ZNF486: variants seen among roughly 807,000 people sequenced by gnomAD.
The protein encoded by ZNF486 is zinc finger protein 486, also known as KRAB box only protein 2.
A neutral mutation model predicts 12.8 loss-of-function variants in ZNF486; 12 were observed. The ratio of observed to expected loss-of-function variants is 0.94; its 90% CI spans 0.60 to 1.52. The LOEUF (loss-of-function observed/expected upper bound fraction) is 1.52, where lower values mean the gene tolerates loss of function less well. Ranked by LOEUF, ZNF486 falls within the 40% of genes most tolerant of loss-of-function variation. The probability of loss-of-function intolerance (pLI) is 0.00; values close to 1 mark genes in which losing one functional copy is unlikely to be tolerated. For missense variants in ZNF486, 738 were observed against 545.0 expected (o/e 1.35, Z -3.53); for synonymous variants, 231 against 184.9 (o/e 1.25, Z -2.02).
chr19:20,195,233 A>G (rs2089946865), intron 3 of ZNF486, among the ~76,000 whole-genome samples: 3 of 152,266 alleles, frequency 2.0e-5, no homozygotes, highest in South Asian at 2.1e-4. Context: ...CAGTGGTACA[A>G]TCTCCACTCA....
rs57907168 is a variant in ZNF486, at chr19:20,186,784, G to GTTTTTTTT, written c.253+712_253+719dup. On this transcript the variant is annotated intron_variant, in intron 3 of 3. Transcript: ENST00000335117. ...TGGATCTTCTCTAATATTTTCATAG[G>GTTTTTTTT]TTTTTTTTTTTTTTTTTGAGAAGGA... Among the ~76,000 whole-genome samples the GTTTTTTTT allele has an allele frequency of 5.4e-4, 66 of 122,458 alleles. 4 individuals are homozygous for GTTTTTTTT. The highest frequency in any genetic ancestry group is 1.7e-3 in the African/African-American group (51 of 30,682). The allele number at this position is 122,458 out of a possible 152,430, so 80.3% of individuals were successfully genotyped here. A position where few individuals can be genotyped will look rare whatever the true frequency, so the allele number is the denominator to read the frequency against.
At chr19:20,183,366 T>C (rs889127033) in intron 1 of ZNF486, among the ~76,000 whole-genome samples, 3 of 152,180 alleles carry the variant, frequency 2.0e-5, no homozygotes, top group Non-Finnish European at 4.4e-5. Flanking sequence ...GGAATGGCAT[T>C]TATTATCCAG....
chr19:20,184,566 C>A lies in ZNF486; in HGVS notation c.157+84C>A. 4 of 1,438,164 alleles carry A rather than the reference C, an allele frequency of 2.8e-6. No individual in the cohort carries two copies. In the South Asian group the frequency reaches 4.3e-5, roughly 16 times the overall value. The allele number at this position is 1,438,164 out of a possible 1,614,324, so 89.1% of individuals were successfully genotyped here. On this transcript the variant is annotated intron_variant, in intron 2 of 3. Coordinates refer to ENST00000335117, the MANE Select transcript of ZNF486 (RefSeq NM_052852.4). ...TTGCAGAATGATTTTAGTAATTTAT[C>A]CTTTGCATAAAAGAGTTCCAGATGT...
At chr19:20,182,150 T>G (rs2089794381) in intron 1 of ZNF486, among the ~76,000 whole-genome samples, 1 of 152,234 alleles carries the variant, frequency 6.6e-6, no homozygotes, top group South Asian at 2.1e-4. Context: ...GTGCTAAATG[T>G]AAGGGACCCT....
intron 3 of ZNF486, among the ~76,000 whole-genome samples, chr19:20,187,260 GTATT>G (rs1469217407): frequency 6.6e-6 from 1 of 151,956 alleles, no homozygotes; most frequent in Non-Finnish European, 1.5e-5. Context: ...TTTACTGAGT[GTATT>G]TATCACTTCA....
intron 2 of ZNF486, among the ~76,000 whole-genome samples, chr19:20,185,104 C>T (rs1442809503): frequency 6.6e-6 from 1 of 152,018 alleles, no homozygotes; most frequent in Non-Finnish European, 1.5e-5. Context: ...AGAGCAAATA[C>T]CACTCTAATT....
intron 3 of ZNF486, chr19:20,188,326 T>G (rs2048643710): frequency 2.5e-6 from 1 of 397,360 alleles, no homozygotes; most frequent in African/African-American, 2.1e-5. Context: ...TTTTTTCAGT[T>G]TTTCTTTAAA....
intron 1 of ZNF486, among the ~76,000 whole-genome samples, chr19:20,181,341 C>T (rs1248302550): frequency 5.9e-5 from 9 of 152,056 alleles, no homozygotes; most frequent in South Asian, 4.1e-4. Flanking sequence ...AAATCGAGAC[C>T]ATCCTGGCTA....
intron 1 of ZNF486, among the ~76,000 whole-genome samples, chr19:20,183,940 T>C (rs1489316475): frequency 7.0e-6 from 1 of 143,044 alleles, no homozygotes; most frequent in Admixed American, 7.2e-5. Flanking sequence ...GCCAGATCTT[T>C]TGGAAAAAAA....
At chr19:20,182,502 G>A (rs782152060) in intron 1 of ZNF486, among the ~76,000 whole-genome samples, 26 of 150,562 alleles carry the variant, frequency 1.7e-4, no homozygotes, top group Non-Finnish European at 4.4e-5. Flanking sequence ...GGTGAGGCCA[G>A]AATCAAGTAT....
intron 1 of ZNF486, among the ~76,000 whole-genome samples, chr19:20,169,356 G>A (rs1555713513): frequency 6.6e-6 from 1 of 152,112 alleles, no homozygotes; most frequent in Non-Finnish European, 1.5e-5. Flanking sequence ...TGATCCATCC[G>A]CCTTGGCCTC....
chr19:20,188,759 A>C (rs1400242919), intron 3 of ZNF486: 1 of 286,786 alleles, frequency 3.5e-6, no homozygotes, highest in Admixed American at 5.1e-5. Context: ...ATACCCATTA[A>C]ATAACAACTG....
At chr19:20,185,194 AG>A (rs1304770604) in intron 2 of ZNF486, among the ~76,000 whole-genome samples, 1 of 152,088 alleles carries the variant, frequency 6.6e-6, no homozygotes, top group Non-Finnish European at 1.5e-5. Flanking sequence ...TTCTCTTCGT[AG>A]ATTTTTATTG....
In ZNF486 at chr19:20,186,065, T is replaced by C. The variant is rs201295969; in HGVS notation, c.236T>C (p.Met79Thr). 9.5e-5 allele frequency: 151 copies of C among 1,590,222 alleles called. 2 individuals carry two copies. In the African/African-American group the frequency reaches 2.0e-3, roughly 21 times the overall value. The part of the protein sequence containing the change: ...IKPLTMKRHE[M>T]IAKPPVVCSH... ...CCTCTGACTATGAAGAGACATGAGA[T>C]GATTGCCAAACCCCCAGGTAGGTGC... The change falls in exon 3 of 4, where the codon ATG (methionine) becomes ACG (threonine). Residue 79 changes from methionine (M) to threonine (T), a missense_variant. Physicochemically the swap from Met to Thr is moderately conservative, Grantham distance 81. Transcript: ENST00000335117.
intron 1 of ZNF486, among the ~76,000 whole-genome samples, chr19:20,172,319 T>TA (rs1555714002): frequency 6.6e-6 from 1 of 151,402 alleles, no homozygotes. Context: ...TACTTTTTTT[T>TA]TTTGAGAGAG....
At chr19:20,195,590 A>G (rs1568327394) in intron 3 of ZNF486, among the ~76,000 whole-genome samples, 1 of 152,208 alleles carries the variant, frequency 6.6e-6, no homozygotes, top group Non-Finnish European at 1.5e-5. Context: ...CATCTTTGAT[A>G]GAGATTTGGA....
At chr19:20,180,647 C>T (rs2089774536) in intron 1 of ZNF486, among the ~76,000 whole-genome samples, 1 of 152,136 alleles carries the variant, frequency 6.6e-6, no homozygotes, top group African/African-American at 2.4e-5. Flanking sequence ...GATCTTGGCT[C>T]ACCGCAATTT....
intron 2 of ZNF486, among the ~76,000 whole-genome samples, chr19:20,184,806 T>G (rs2089824707): frequency 6.6e-6 from 1 of 152,092 alleles, no homozygotes; most frequent in African/African-American, 2.4e-5. Flanking sequence ...TATCAGGTAG[T>G]AAATTTAAAA....
chr19:20,190,820 T>C (rs1023345554), intron 3 of ZNF486, among the ~76,000 whole-genome samples: 1 of 152,196 alleles, frequency 6.6e-6, no homozygotes, highest in Non-Finnish European at 1.5e-5. Context: ...GTCTATAATA[T>C]GGTTTCCATG....
Sources: allele counts gnomAD v4.1 joint callset (sites outside exome capture counted in the v4.1 genomes callset), GRCh38; gene constraint gnomAD v4.1.1; transcripts MANE v1.5; gene names NCBI Gene and HGNC (gene_info 2026-07-23, HGNC 2026-07-21).